BBX: variants seen among roughly 807,000 people sequenced by gnomAD.
BBX encodes the protein HMG box transcription factor BBX.
In BBX, 30 loss-of-function variants were observed where a neutral mutation model predicts 100.2. The ratio of observed to expected loss-of-function variants is 0.30; its 90% CI spans 0.22 to 0.41. The LOEUF (loss-of-function observed/expected upper bound fraction) is 0.41, where lower values mean the gene tolerates loss of function less well. Ranked by LOEUF, BBX falls within the 10% of genes least tolerant of loss-of-function variation. The pLI is 1.00. For synonymous variants in BBX, 376 were observed against 388.1 expected (o/e 0.97, Z 0.37); for missense variants, 1,023 against 1,129.8 (o/e 0.91, Z 1.35).
intron 3 of BBX, among the ~76,000 whole-genome samples, chr3:107,709,186 C>G (rs2061566623): frequency 6.6e-6 from 1 of 151,836 alleles, no homozygotes. Context: ...AAATGAATCC[C>G]AGATTAATCA....
chr3:107,554,484 A>G (rs1407710494), intron 2 of BBX, among the ~76,000 whole-genome samples: 1 of 152,218 alleles, frequency 6.6e-6, no homozygotes, highest in Non-Finnish European at 1.5e-5. Context: ...TCTAGCTCAC[A>G]AAGGAATTTG....
At chr3:107,579,766 G>A (rs1397591428) in intron 2 of BBX, among the ~76,000 whole-genome samples, 1 of 152,108 alleles carries the variant, frequency 6.6e-6, no homozygotes, top group African/African-American at 2.4e-5. Context: ...TTGCATACTC[G>A]GGTTTTAGTT....
chr3:107,775,275 A>C (rs533550306), intron 12 of BBX, among the ~76,000 whole-genome samples: 1 of 152,174 alleles, frequency 6.6e-6, no homozygotes, highest in Admixed American at 6.5e-5. Context: ...TTATGCTTCT[A>C]TCGCCAACTT....
At chr3:107,610,850 TCA>T (rs1285177944) in intron 2 of BBX, among the ~76,000 whole-genome samples, 1 of 143,914 alleles carries the variant, frequency 6.9e-6, no homozygotes, top group Non-Finnish European at 1.5e-5. Flanking sequence ...TCCATTTACA[TCA>T]CATGTTATTA....
intron 3 of BBX, among the ~76,000 whole-genome samples, chr3:107,699,066 G>A (rs1474315249): frequency 6.6e-6 from 1 of 151,788 alleles, no homozygotes; most frequent in Non-Finnish European, 1.5e-5. Flanking sequence ...TCTGTGTCAA[G>A]CCCTGGAGAC....
intron 9 of BBX, among the ~76,000 whole-genome samples, chr3:107,753,740 G>T (rs1037677727): frequency 2.6e-5 from 4 of 152,182 alleles, no homozygotes; most frequent in African/African-American, 9.7e-5. Flanking sequence ...AACAGCATGG[G>T]TGTGAAGTGC....
intron 2 of BBX, among the ~76,000 whole-genome samples, chr3:107,570,966 G>A (rs1450874780): frequency 6.6e-6 from 1 of 152,140 alleles, no homozygotes; most frequent in Non-Finnish European, 1.5e-5. Context: ...AGATAAAATG[G>A]AGAAATCAAA....
chr3:107,795,762 G>C (rs1316487074), intron 15 of BBX, among the ~76,000 whole-genome samples: 1 of 151,780 alleles, frequency 6.6e-6, no homozygotes, highest in Non-Finnish European at 1.5e-5. Flanking sequence ...TGGTTTCTGA[G>C]CTTTCCATAG....
rs796076496 is a variant in BBX, at chr3:107,806,811, G to T, written c.*1354G>T. On this transcript the variant is annotated 3_prime_UTR_variant, in exon 18 of 18. Coordinates refer to ENST00000325805, the MANE Select transcript of BBX (RefSeq NM_001142568.3). ...TAGTCTGAGGCTACAGATTTTACAG[G>T]GTATTTGTTCTATAGCACAAAGTAT... is the stretch of plus-strand genomic sequence containing the variant. 1 of 152,100 alleles carries T rather than the reference G, an allele frequency of 6.6e-6. No homozygotes were observed. Among genetic ancestry groups the T allele is most frequent in the African/African-American group, 2.4e-5 (1 of 41,400 alleles). 9.4% of individuals were successfully genotyped at this position (152,100 alleles called of 1,614,324 possible). A position where few individuals can be genotyped will look rare whatever the true frequency, so the allele number is the denominator to read the frequency against.
chr3:107,757,591 G>C (rs2107683730), intron 10 of BBX, among the ~76,000 whole-genome samples: 1 of 152,232 alleles, frequency 6.6e-6, no homozygotes, highest in South Asian at 2.1e-4. Context: ...GAATCAGTGT[G>C]ATGTCTTAAT....
intron 15 of BBX, among the ~76,000 whole-genome samples, chr3:107,793,143 A>T (rs1166043203): frequency 6.6e-6 from 1 of 152,178 alleles, no homozygotes; most frequent in Non-Finnish European, 1.5e-5. Context: ...TTTCCCCTCT[A>T]ACACTTGATA....
In BBX at chr3:107,638,758, C is replaced by CA. The variant is rs59474146; in HGVS notation, c.-83-7060dup. Among the ~76,000 whole-genome samples, 236 of 91,298 alleles carry CA rather than the reference C, an allele frequency of 2.6e-3. 6 individuals carry two copies. Among genetic ancestry groups the CA allele is most frequent in the South Asian group, 6.8e-3 (17 of 2,504 alleles). The allele number at this position is 91,298 out of a possible 152,430, so 59.9% of individuals were successfully genotyped here. A position where few individuals can be genotyped will look rare whatever the true frequency, so the allele number is the denominator to read the frequency against. ...TAACGTGGAGAAACCACTCCTCTAC[C>CA]AAAAAAAAAAAAAAAAAAGTATACA... On this transcript the variant is annotated intron_variant, in intron 2 of 17. Transcript: ENST00000325805.
intron 2 of BBX, among the ~76,000 whole-genome samples, chr3:107,588,364 A>G (rs1194396420): frequency 6.6e-6 from 1 of 151,912 alleles, no homozygotes; most frequent in Admixed American, 6.6e-5. Context: ...GGGGTGAGGA[A>G]TAATGGAGTG....
chr3:107,802,347 C>T lies in BBX; in HGVS notation c.2738+1066C>T, dbSNP rs34777042. Among the ~76,000 whole-genome samples, 529 of 152,348 alleles carry T rather than the reference C, an allele frequency of 3.5e-3. 1 individual carries two copies. Among genetic ancestry groups the T allele is most frequent in the Non-Finnish European group, 4.7e-3 (317 of 68,040 alleles). ...TTGAGTACTTCCTCACAAATAGCCTCTAGATATTTCCAAGAAGTCAAATTC... is the reference window on the plus strand; with the variant it reads ...TTGAGTACTTCCTCACAAATAGCCTTTAGATATTTCCAAGAAGTCAAATTC... On this transcript the variant is annotated intron_variant, in intron 17 of 17. Coordinates refer to ENST00000325805, the MANE Select transcript of BBX (RefSeq NM_001142568.3).
At chr3:107,581,558 C>G (rs560893744) in intron 2 of BBX, among the ~76,000 whole-genome samples, 70 of 151,838 alleles carry the variant, frequency 4.6e-4, no homozygotes, top group Middle Eastern at 3.4e-3. Flanking sequence ...TAAAAACTAG[C>G]TTTGATAATA....
At chr3:107,641,554 A>C (rs1019976813) in intron 2 of BBX, among the ~76,000 whole-genome samples, 1 of 152,204 alleles carries the variant, frequency 6.6e-6, no homozygotes, top group Non-Finnish European at 1.5e-5. Flanking sequence ...GGAGAATCCA[A>C]ACAAATGGAC....
chr3:107,704,880 A>C (rs967584333), intron 3 of BBX, among the ~76,000 whole-genome samples: 3 of 152,190 alleles, frequency 2.0e-5, no homozygotes, highest in African/African-American at 7.2e-5. Flanking sequence ...ACTTTGACTT[A>C]GGGCTTTCAG....
chr3:107,628,049 C>T (rs2056311861), intron 2 of BBX, among the ~76,000 whole-genome samples: 1 of 151,974 alleles, frequency 6.6e-6, no homozygotes, highest in Admixed American at 6.6e-5. Context: ...CAATTATCTT[C>T]TTTAAACATA....
At chr3:107,616,982 A>G (rs1300635818) in intron 2 of BBX, among the ~76,000 whole-genome samples, 2 of 152,002 alleles carry the variant, frequency 1.3e-5, no homozygotes, top group Non-Finnish European at 2.9e-5. Flanking sequence ...CTAGATTCTA[A>G]GATTTTATCT....
Sources: gnomAD v4.1 joint callset for allele counts (sites outside exome capture counted in the v4.1 genomes callset) on GRCh38, gnomAD v4.1.1 for gene constraint, MANE v1.5 for transcripts, NCBI Gene and HGNC (gene_info 2026-07-23, HGNC 2026-07-21) for gene names.